ZBBX: variants seen among roughly 807,000 people sequenced by gnomAD.
ZBBX encodes the protein zinc finger B-box domain-containing protein 1.
A neutral mutation model predicts 108.5 loss-of-function variants in ZBBX; 101 were observed. The observed-to-expected ratio is 0.93, with a 90% CI of 0.79 to 1.10. The LOEUF is 1.10. ZBBX is among the 50% of genes least tolerant of loss of function. ZBBX has a pLI of 0.00. For missense variants in ZBBX, 1,009 were observed against 941.4 expected, an observed-to-expected ratio of 1.07 and a Z score of -0.94; for synonymous variants, 356 against 323.4, an observed-to-expected ratio of 1.10 and a Z score of -1.08.
chr3:167,217,192 G>A, the ZBBX span, among the ~76,000 whole-genome samples: 2,036 of 152,114 alleles, frequency 0.013, 22 homozygotes, highest in South Asian at 0.026. Flanking sequence ...GACAACCTAT[G>A]GAATAGGAGA....
chr3:167,188,383 CG>C, the ZBBX span, among the ~76,000 whole-genome samples: 1 of 151,962 alleles, frequency 6.6e-6, no homozygotes. Flanking sequence ...TTGTGTAAAA[CG>C]ATGTGAAAAT....
the ZBBX span, among the ~76,000 whole-genome samples, chr3:167,220,615 T>C: frequency 9.2e-5 from 14 of 151,864 alleles, no homozygotes; most frequent in African/African-American, 3.4e-4. Context: ...TACGACAGAC[T>C]CACAGCTGGT....
At chr3:167,379,587 C>T (rs1034274910) in intron 2 of ZBBX, 51 bp downstream of exon 2, 4 of 152,088 alleles carry the variant, frequency 2.6e-5, no homozygotes, top group African/African-American at 9.7e-5. Flanking sequence ...GCCTTGTTAA[C>T]TTTAGATTTT....
At chr3:167,191,934 T>TAG in the ZBBX span, among the ~76,000 whole-genome samples, 5 of 130,222 alleles carry the variant, frequency 3.8e-5, no homozygotes, top group Admixed American at 7.7e-5. Flanking sequence ...TATATATATA[T>TAG]AGAGCAAGTT....
At chr3:167,250,595 C>G (rs553848826) in intron 20 of ZBBX, among the ~76,000 whole-genome samples, 2 of 151,238 alleles carry the variant, frequency 1.3e-5, no homozygotes, top group Non-Finnish European at 2.9e-5. Flanking sequence ...ACCGGAGCCT[C>G]GAAAGATGGC....
chr3:167,242,727 G>T, intron 20 of ZBBX, 84 bp from the exon 21 acceptor site: 2 of 1,202,736 alleles, frequency 1.7e-6, no homozygotes, highest in South Asian at 2.0e-5. Context: ...TTTACCCAGA[G>T]TAAATTACAG....
chr3:167,276,622 T>C (rs1041588102), intron 20 of ZBBX, among the ~76,000 whole-genome samples: 3 of 152,192 alleles, frequency 2.0e-5, no homozygotes, highest in Non-Finnish European at 4.4e-5. Context: ...GTCTGACTGG[T>C]GTACCTGAAA....
the ZBBX span, among the ~76,000 whole-genome samples, chr3:167,204,721 T>C: frequency 6.6e-6 from 1 of 151,790 alleles, no homozygotes; most frequent in Non-Finnish European, 1.5e-5. Context: ...TGTGTCTTTA[T>C]AGCAGCATGA....
At chr3:167,388,010 T>C (rs540106571) in intron 1 of ZBBX, among the ~76,000 whole-genome samples, 1 of 152,044 alleles carries the variant, frequency 6.6e-6, no homozygotes, top group Non-Finnish European at 1.5e-5. Context: ...AACAACCTAT[T>C]TGTTTTCATT....
At position 167,368,449 on chromosome 3, in the gene ZBBX, A is replaced by G; in HGVS notation, c.182+12T>C. The G allele has an allele frequency of 6.3e-7, 1 of 1,575,768 alleles. No homozygotes were observed. Among genetic ancestry groups the G allele is most frequent in the Non-Finnish European group, 8.7e-7 (1 of 1,146,306 alleles). On this transcript the variant is annotated intron_variant, in intron 5 of 21. Coordinates refer to ENST00000675490, the MANE Select transcript of ZBBX (RefSeq NM_001199201.2). ...GTTGATTCATCTAAAATTCTCTAAG[A>G]GTTTCACTCACTCTCTATCTTCCTT...
chr3:167,271,455 C>A (rs893320135), intron 20 of ZBBX, among the ~76,000 whole-genome samples: 1 of 151,954 alleles, frequency 6.6e-6, no homozygotes, highest in Non-Finnish European at 1.5e-5. Context: ...TCTTCTCAGC[C>A]GTGGAAAAAG....
chr3:167,228,564 T>C, the ZBBX span, among the ~76,000 whole-genome samples: 1 of 151,862 alleles, frequency 6.6e-6, no homozygotes, highest in Non-Finnish European at 1.5e-5. Flanking sequence ...TGAATAGTTG[T>C]GGTCCCACAA....
At chr3:167,394,884 G>A (rs1748181880) in intron 1 of ZBBX, among the ~76,000 whole-genome samples, 1 of 151,994 alleles carries the variant, frequency 6.6e-6, no homozygotes, top group Admixed American at 6.6e-5. Context: ...CACCTGCAAT[G>A]GTCCAATCAT....
intron 20 of ZBBX, among the ~76,000 whole-genome samples, chr3:167,278,448 A>G (rs1728104941): frequency 7.8e-6 from 1 of 128,498 alleles, no homozygotes; most frequent in African/African-American, 3.1e-5. Context: ...AATACAAACT[A>G]CCATCAGAGA....
chr3:167,248,607 C>T (rs778231129), intron 20 of ZBBX: 5 of 456,450 alleles, frequency 1.1e-5, no homozygotes, highest in Non-Finnish European at 1.8e-5. Context: ...CTCTAAAATA[C>T]CTTTTCAGTC....
chr3:167,373,217 A>C (rs1049537823), intron 3 of ZBBX, among the ~76,000 whole-genome samples: 5 of 152,214 alleles, frequency 3.3e-5, no homozygotes, highest in African/African-American at 1.2e-4. Flanking sequence ...TATTATAAGT[A>C]AGCAAGAGCT....
At chr3:167,257,792 T>C (rs771542377) in intron 20 of ZBBX, among the ~76,000 whole-genome samples, 19 of 152,184 alleles carry the variant, frequency 1.2e-4, no homozygotes, top group Non-Finnish European at 2.5e-4. Flanking sequence ...TGGCCATTTG[T>C]GTATCTTCTT....
chr3:167,259,465 A>C (rs965754640), intron 20 of ZBBX, among the ~76,000 whole-genome samples: 2 of 151,750 alleles, frequency 1.3e-5, no homozygotes, highest in Non-Finnish European at 2.9e-5. Context: ...CATTTGTTTC[A>C]ATTTCATTTC....
chr3:167,215,349 AC>A, the ZBBX span, among the ~76,000 whole-genome samples: 1 of 152,158 alleles, frequency 6.6e-6, no homozygotes, highest in African/African-American at 2.4e-5. Context: ...TACTATGAAC[AC>A]CTCTATGTAC....
Sources: allele counts gnomAD v4.1 joint callset (sites outside exome capture counted in the v4.1 genomes callset), GRCh38; gene constraint gnomAD v4.1.1; transcripts MANE v1.5; gene names NCBI Gene and HGNC (gene_info 2026-07-23, HGNC 2026-07-21).